Variants in CFAP46 observed in about 807,000 individuals in gnomAD.
The protein encoded by CFAP46 is cilia and flagella associated protein 46, also known as cilia- and flagella-associated protein 46.
A neutral mutation model predicts 325.7 loss-of-function variants in CFAP46; 245 were observed. That is an observed-to-expected ratio of 0.75 (90% CI 0.68 to 0.84). The LOEUF (loss-of-function observed/expected upper bound fraction) is 0.84, where lower values mean the gene tolerates loss of function less well. CFAP46 is among the 40% of genes least tolerant of loss of function. The pLI is 0.00. For synonymous variants in CFAP46, 1,523 were observed against 1,495.9 expected (o/e 1.02, Z -0.42); for missense variants, 3,346 against 3,543.0 (o/e 0.94, Z 1.41).
In CFAP46 at chr10:132,860,508, G is replaced by A; in HGVS notation, c.5107C>T (p.Gln1703Ter). Reference sequence around the variant, plus strand: ...ATCTTGAAGGCATTGATGAGCTTCTGAAATATGTGACACACCTGAGGACAG... The same window carrying A: ...ATCTTGAAGGCATTGATGAGCTTCTAAAATATGTGACACACCTGAGGACAG... Reference protein sequence around the residue: ...GREATVCHIFQKLINAFKILK... With the variant: ...GREATVCHIF Residue 1703 changes from glutamine (Q) to a stop codon, truncating the protein, a stop_gained, in exon 37 of 58, where the codon CAG (glutamine) becomes TAG (stop). Transcript: ENST00000368586. LOFTEE classifies it high-confidence loss of function. 1.9e-6 allele frequency: 3 copies of A among 1,550,660 alleles called. No homozygotes were observed. The highest frequency in any genetic ancestry group is 2.6e-6 in the Non-Finnish European group (3 of 1,146,676).
intron 19 of CFAP46, 113 bp downstream of exon 19, chr10:132,912,528 CCTCTCTCCTCTCCT>C (rs1292216326): frequency 3.5e-5 from 23 of 660,632 alleles, no homozygotes; most frequent in African/African-American, 2.5e-4. Context: ...TCTCTCTTCA[CCTCTCTCCTCTCCT>C]CTCTCTCTCT....
intron 20 of CFAP46, among the ~76,000 whole-genome samples, chr10:132,909,709 C>A (rs1009284524): frequency 6.6e-6 from 1 of 152,238 alleles, no homozygotes. Flanking sequence ...AGCTCACAGA[C>A]CCCGTGGACG....
chr10:132,901,912 T>C (rs1849396798), intron 22 of CFAP46, among the ~76,000 whole-genome samples: 1 of 152,198 alleles, frequency 6.6e-6, no homozygotes, highest in Non-Finnish European at 1.5e-5. Context: ...TCATCCTTTG[T>C]ATTCTGGTTT....
At position 132,922,643 on chromosome 10, in the gene CFAP46, C is replaced by T. The variant is rs574818363; in HGVS notation, c.1322G>A (p.Arg441Gln). 6.5e-6 allele frequency: 10 copies of T among 1,549,956 alleles called. No individual in the cohort carries two copies. The highest frequency in any genetic ancestry group is 4.9e-5 in the East Asian group (2 of 40,918). Residue 441 changes from arginine (R) to glutamine (Q), a missense_variant, in exon 12 of 58, where the codon CGG (arginine) becomes CAG (glutamine). Transcript: ENST00000368586. ...EMAQIEEDED[R>Q]LEPATEHLRK... The stretch of plus-strand genomic sequence containing the variant: ...GAGGTGCTCCGTGGCGGGCTCCAGC[C>T]GGTCCTCGTCCTCCTCGATCTGCGC...
At chr10:132,870,211 G>T (rs1848877556) in intron 32 of CFAP46, among the ~76,000 whole-genome samples, 1 of 152,082 alleles carries the variant, frequency 6.6e-6, no homozygotes, top group Non-Finnish European at 1.5e-5. Flanking sequence ...ATGTCCCGTG[G>T]GCTCTGATTG....
At position 132,880,848 on chromosome 10, in the gene CFAP46, G is replaced by A. The variant is rs909191034; in HGVS notation, c.3799+13C>T. 53 of 1,543,052 alleles carry A rather than the reference G, an allele frequency of 3.4e-5. No homozygotes were observed. Among genetic ancestry groups the A allele is most frequent in the Admixed American group, 7.9e-5 (4 of 50,932 alleles). ...GGCGTGGGGTCGGCACCCTGCCAGC[G>A]GCGTGGGCTCACCATCCGGCGTGGG... On this transcript the variant is annotated intron_variant, in intron 28 of 57. Coordinates refer to ENST00000368586, the MANE Select transcript of CFAP46 (RefSeq NM_001200049.3).
chr10:132,836,258 G>C (rs760648076), intron 45 of CFAP46, 40 bp from the exon 46 acceptor site: 9 of 1,592,918 alleles, frequency 5.7e-6, no homozygotes, highest in Non-Finnish European at 7.7e-6. Context: ...GGCAAGCCAT[G>C]AAGGAAACAC....
chr10:132,876,935 T>C lies in CFAP46; in HGVS notation c.4239A>G (p.Gln1413=). Residue 1413 remains glutamine, a synonymous_variant, in exon 31 of 58, where the codon CAA becomes CAG. Coordinates refer to ENST00000368586, the MANE Select transcript of CFAP46 (RefSeq NM_001200049.3). The surrounding 1 kb of genome is among the most constrained non-coding windows in gnomAD (Gnocchi z 4.1). ...KQSQSPAPIK[Q]LEDLPMSIEE... ...CTATGCTCATGGGTAAGTCTTCCAGTTGTTTGATAGGAGCTGGGCTTTGAG... is the reference window on the plus strand; with the variant it reads ...CTATGCTCATGGGTAAGTCTTCCAGCTGTTTGATAGGAGCTGGGCTTTGAG... 1 of 1,550,316 alleles carries C rather than the reference T, an allele frequency of 6.5e-7. No individual in the cohort carries two copies. Among genetic ancestry groups the C allele is most frequent in the Non-Finnish European group, 8.7e-7 (1 of 1,146,880 alleles).
intron 21 of CFAP46, 66 bp downstream of exon 21, chr10:132,909,071 A>C: frequency 8.3e-7 from 1 of 1,200,114 alleles, no homozygotes; most frequent in East Asian, 2.6e-5. Context: ...CCAGCCACCT[A>C]GGGCAAGAGC....
At chr10:132,937,416 G>A (rs1431019736) in intron 6 of CFAP46, 136 bp downstream of exon 6, 2 of 945,774 alleles carry the variant, frequency 2.1e-6, no homozygotes, top group South Asian at 1.6e-5. Context: ...ATATGCTTAT[G>A]TAATTTTGTT....
chr10:132,920,760 T>A (rs1236228351), intron 13 of CFAP46, among the ~76,000 whole-genome samples: 1 of 152,128 alleles, frequency 6.6e-6, no homozygotes, highest in Non-Finnish European at 1.5e-5. Context: ...AACGGCATCC[T>A]CCCCTGGAGC....
chr10:132,928,371 A>T (rs1160624037), intron 9 of CFAP46, among the ~76,000 whole-genome samples: 1 of 152,248 alleles, frequency 6.6e-6, no homozygotes, highest in Non-Finnish European at 1.5e-5. Flanking sequence ...CATCAAACAC[A>T]GGAGCCTCCC....
rs777487150 is a variant in CFAP46 at position 132,938,776 on chromosome 10, A to G, written c.372-23T>C. On this transcript the variant is annotated intron_variant, in intron 4 of 57. Transcript: ENST00000368586. Reference sequence around the variant, plus strand: ...TACCTGCGGCGCGAGCAGAGGAAGCAGAGAGCACGCTCAAAGCCCAGCCGG... The same window carrying G: ...TACCTGCGGCGCGAGCAGAGGAAGCGGAGAGCACGCTCAAAGCCCAGCCGG... The G allele has an allele frequency of 1.0e-4, 164 of 1,605,078 alleles. 1 individual carries two copies. Among genetic ancestry groups the G allele is most frequent in the Admixed American group, 1.0e-3 (60 of 59,736 alleles).
chr10:132,908,353 G>T lies in CFAP46; in HGVS notation c.2924+115C>A, dbSNP rs1268843408. The stretch of plus-strand genomic sequence containing the variant: ...ATCGCGGCCCAGGCCCGCGCTCCCT[G>T]CCCGTTTTGGGGAACTGGTGGGGCG... On this transcript the variant is annotated intron_variant, in intron 22 of 57. Coordinates refer to ENST00000368586, the MANE Select transcript of CFAP46 (RefSeq NM_001200049.3). The T allele has an allele frequency of 3.1e-6, 4 of 1,300,302 alleles. No individual in the cohort carries two copies. In the African/African-American group the frequency reaches 4.4e-5, roughly 14 times the overall value. 80.5% of individuals were successfully genotyped at this position (1,300,302 alleles called of 1,614,324 possible).
intron 24 of CFAP46, among the ~76,000 whole-genome samples, chr10:132,897,171 G>A (rs1264746982): frequency 1.3e-5 from 2 of 152,154 alleles, no homozygotes; most frequent in African/African-American, 4.8e-5. Flanking sequence ...AGAAAATAAT[G>A]GAGAAAATCC....
At chr10:132,916,930 A>G (rs1208467244) in intron 16 of CFAP46, among the ~76,000 whole-genome samples, 1 of 152,208 alleles carries the variant, frequency 6.6e-6, no homozygotes, top group Non-Finnish European at 1.5e-5. Context: ...CTTCCAGAGC[A>G]CCGCACACCC....
Position 132,878,171 on chromosome 10 carries a change from C to T in CFAP46, c.4006-84G>A, listed in dbSNP as rs892080734. On this transcript the variant is annotated intron_variant, in intron 29 of 57. Transcript: ENST00000368586. ...CCACCCTCCACTCCTGGATGAGGGA[C>T]GCTCAGACCCGCGGGGCTCCCCAGA... 89 of 1,277,884 alleles carry T rather than the reference C, an allele frequency of 7.0e-5. No individual in the cohort carries two copies. The African/African-American group carries it at 9.1e-4, about 13-fold the overall frequency. The allele number at this position is 1,277,884 out of a possible 1,614,324, so 79.2% of individuals were successfully genotyped here. A position where few individuals can be genotyped will look rare whatever the true frequency, so the allele number is the denominator to read the frequency against.
At position 132,922,621 on chromosome 10, in the gene CFAP46, G is replaced by A. The variant is rs2135616303; in HGVS notation, c.1344C>T (p.His448=). 3.2e-6 allele frequency: 5 copies of A among 1,549,712 alleles called. No individual in the cohort carries two copies. Among genetic ancestry groups the A allele is most frequent in the Non-Finnish European group, 4.4e-6 (5 of 1,146,854 alleles). Reference sequence around the variant, plus strand: ...TGTCCAGGCGCGCGGCTTTCCGGAGGTGCTCCGTGGCGGGCTCCAGCCGGT... The same window carrying A: ...TGTCCAGGCGCGCGGCTTTCCGGAGATGCTCCGTGGCGGGCTCCAGCCGGT... The part of the protein sequence containing the change: ...DEDRLEPATE[H]LRKAARLDSL... Residue 448 remains histidine (H), a synonymous_variant, in exon 12 of 58, where the codon CAC becomes CAT. Coordinates refer to ENST00000368586, the MANE Select transcript of CFAP46 (RefSeq NM_001200049.3).
At chr10:132,865,933 C>T in intron 35 of CFAP46, 92 bp downstream of exon 35, 1 of 1,281,062 alleles carries the variant, frequency 7.8e-7, no homozygotes, top group South Asian at 2.4e-5. Flanking sequence ...GAGCTGAACG[C>T]TACAGCCCAA....
Sources: gnomAD v4.1 joint callset for allele counts (sites outside exome capture counted in the v4.1 genomes callset) on GRCh38, gnomAD v4.1.1 for gene constraint, Gnocchi (gnomAD v3.1) non-coding constraint, MANE v1.5 for transcripts, NCBI Gene and HGNC (gene_info 2026-07-23, HGNC 2026-07-21) for gene names.